GPCPD1: variants seen among roughly 807,000 people sequenced by gnomAD.
The protein encoded by GPCPD1 is glycerophosphocholine phosphodiesterase 1.
GPCPD1 carries 29 observed loss-of-function variants against 89.2 expected under a neutral mutation model. The ratio of observed to expected loss-of-function variants is 0.33; its 90% CI spans 0.24 to 0.44. GPCPD1 has a LOEUF of 0.44. Among genes scored for constraint, GPCPD1 ranks in the 20% least tolerant of loss-of-function variants. GPCPD1 has a pLI of 1.00. For missense variants in GPCPD1, 594 were observed against 808.9 expected, an observed-to-expected ratio of 0.73 and a Z score of 3.22; for synonymous variants, 258 against 266.3, an observed-to-expected ratio of 0.97 and a Z score of 0.30.
intron 3 of GPCPD1, 108 bp downstream of exon 3, chr20:5,598,617 T>C: frequency 3.0e-6 from 2 of 667,790 alleles, no homozygotes. Flanking sequence ...CGTGATAATG[T>C]TGATAAAAAT....
rs1980268443 is a variant in GPCPD1 at position 5,602,951 on chromosome 20, C to CCA, written c.49+1411_49+1412dup. Among the ~76,000 whole-genome samples the CCA allele has an allele frequency of 2.0e-5, 3 of 149,504 alleles. 1 individual carries two copies. In the South Asian group the frequency reaches 6.3e-4, roughly 31 times the overall value. On this transcript the variant is annotated intron_variant, in intron 2 of 19. Coordinates refer to ENST00000379019, the MANE Select transcript of GPCPD1 (RefSeq NM_019593.5). ...TGAGCCGAGATCGCGTCATTGCACT[C>CCA]CAGCCTAGGCAACAGAGTGAGACTC...
At chr20:5,577,057 TTTTTTTTG>T (rs1390484106) in intron 8 of GPCPD1, among the ~76,000 whole-genome samples, 1 of 112,736 alleles carries the variant, frequency 8.9e-6, no homozygotes, top group Non-Finnish European at 1.8e-5. Context: ...AAAGTTGTTT[TTTTTTTTG>T]TTTTTTTTTT....
At chr20:5,585,846 G>A (rs1045206383) in intron 5 of GPCPD1, 12 of 187,380 alleles carry the variant, frequency 6.4e-5, no homozygotes, top group East Asian at 1.3e-4. Context: ...TCAAATGTTC[G>A]TTAAGCCTGA....
intron 13 of GPCPD1, 52 bp downstream of exon 13, chr20:5,567,431 A>G (rs1986448384): frequency 6.5e-7 from 1 of 1,529,046 alleles, no homozygotes. Context: ...ACAAGCAAGT[A>G]CAATAGTCCT....
intron 3 of GPCPD1, among the ~76,000 whole-genome samples, chr20:5,595,618 G>A (rs1334281433): frequency 6.6e-6 from 1 of 151,920 alleles, no homozygotes; most frequent in Non-Finnish European, 1.5e-5. Flanking sequence ...TCCAGCCTGG[G>A]TGACAGAGTG....
intron 3 of GPCPD1, among the ~76,000 whole-genome samples, chr20:5,594,789 C>T (rs970719890): frequency 4.6e-5 from 7 of 152,220 alleles, no homozygotes; most frequent in African/African-American, 1.7e-4. Flanking sequence ...TTATACTTCA[C>T]AGATACTGTG....
rs539218583 is a variant in GPCPD1, at chr20:5,575,810, C to A, written c.868+6G>T. 2 of 1,594,282 alleles carry A rather than the reference C, an allele frequency of 1.3e-6. No homozygotes were observed. The highest frequency in any genetic ancestry group is 2.2e-5 in the East Asian group (1 of 44,706). On this transcript the variant is annotated splice_donor_region_variant and intron_variant, in intron 9 of 19. Transcript: ENST00000379019. ...TTGGGTTATTTGGCAGTGTCTTCAA[C>A]CTTACCTCTCACTTTGCCTATTGTT...
At position 5,567,546 on chromosome 20, in the gene GPCPD1, A is replaced by T; in HGVS notation, c.1164T>A (p.Asp388Glu). ...CLTMKKKFDADPVELFEIPVK... is the reference protein window; with the variant it reads ...CLTMKKKFDAEPVELFEIPVK... The stretch of plus-strand genomic sequence containing the variant: ...CTGGAATTTCAAATAATTCAACTGG[A>T]TCAGCATCAAATTTCTAAAAAAAAA... The change falls in exon 13 of 20, where the codon GAT becomes GAA. Residue 388 changes from aspartate to glutamate, a missense_variant. Coordinates refer to ENST00000379019, the MANE Select transcript of GPCPD1 (RefSeq NM_019593.5). 1 of 1,527,732 alleles carries T rather than the reference A, an allele frequency of 6.5e-7. No homozygotes were observed. The highest frequency in any genetic ancestry group is 8.7e-7 in the Non-Finnish European group (1 of 1,143,370). The allele number at this position is 1,527,732 out of a possible 1,614,324, so 94.6% of individuals were successfully genotyped here. A position where few individuals can be genotyped will look rare whatever the true frequency, so the allele number is the denominator to read the frequency against.
intron 12 of GPCPD1, 64 bp from the exon 13 acceptor site, chr20:5,567,624 G>C: frequency 7.1e-7 from 1 of 1,401,568 alleles, no homozygotes; most frequent in Non-Finnish European, 9.6e-7. Flanking sequence ...AGAAAAGTAA[G>C]CCCTAAATTA....
intron 8 of GPCPD1, among the ~76,000 whole-genome samples, chr20:5,576,766 AC>A (rs1162558137): frequency 1.3e-5 from 2 of 152,174 alleles, no homozygotes; most frequent in Non-Finnish European, 2.9e-5. Flanking sequence ...CAAATACTAT[AC>A]TCACTTTGAG....
In GPCPD1 at chr20:5,565,095, C is replaced by T. The variant is rs1357207732; in HGVS notation, c.1268-17G>A. Reference sequence around the variant, plus strand: ...CCACAGATTCTGAAATTTTAAAACACAAAATCTCAGTAAATAAAATGCCAC... The same window carrying T: ...CCACAGATTCTGAAATTTTAAAACATAAAATCTCAGTAAATAAAATGCCAC... On this transcript the variant is annotated splice_polypyrimidine_tract_variant and intron_variant, in intron 14 of 19. Transcript: ENST00000379019. The T allele has an allele frequency of 2.2e-6, 3 of 1,369,612 alleles. No individual in the cohort carries two copies. The highest frequency in any genetic ancestry group is 3.1e-6 in the Non-Finnish European group (3 of 959,306). 84.8% of individuals were successfully genotyped at this position (1,369,612 alleles called of 1,614,324 possible). A position where few individuals can be genotyped will look rare whatever the true frequency, so the allele number is the denominator to read the frequency against.
rs1986455915 is a variant in GPCPD1, at chr20:5,567,562, T to A, written c.1150-2A>T. 14 of 1,297,436 alleles carry A rather than the reference T, an allele frequency of 1.1e-5. No individual in the cohort carries two copies. Among genetic ancestry groups the A allele is most frequent in the East Asian group, 2.7e-5 (1 of 37,386 alleles). The allele number at this position is 1,297,436 out of a possible 1,614,324, so 80.4% of individuals were successfully genotyped here. On this transcript the variant is annotated splice_acceptor_variant, in intron 12 of 19. Coordinates refer to ENST00000379019, the MANE Select transcript of GPCPD1 (RefSeq NM_019593.5). LOFTEE classifies it high-confidence loss of function. ...TTCAACTGGATCAGCATCAAATTTC[T>A]AAAAAAAAAAAAAAAAGAAAGAAAG...
chr20:5,606,632 TG>T (rs1177292031), intron 1 of GPCPD1, among the ~76,000 whole-genome samples: 2 of 152,170 alleles, frequency 1.3e-5, no homozygotes, highest in Non-Finnish European at 2.9e-5. Context: ...TTGTCACAAC[TG>T]GGAGTGGCAC....
chr20:5,567,913 C>G (rs1162698708), intron 12 of GPCPD1: 1 of 168,908 alleles, frequency 5.9e-6, no homozygotes, highest in Admixed American at 6.3e-5. Context: ...TTCTTTGATA[C>G]TTATCCATAC....
chr20:5,556,268 C>G (rs1985763119), intron 19 of GPCPD1, among the ~76,000 whole-genome samples: 2 of 152,066 alleles, frequency 1.3e-5, no homozygotes, highest in Non-Finnish European at 2.9e-5. Context: ...AGTGCAGTGG[C>G]GCGATCTCGG....
At chr20:5,555,136 G>C (rs1985680295) in intron 19 of GPCPD1, among the ~76,000 whole-genome samples, 2 of 152,216 alleles carry the variant, frequency 1.3e-5, no homozygotes, top group Non-Finnish European at 2.9e-5. Context: ...ACCCAACAAA[G>C]ATGCTCTGAA....
At chr20:5,583,772 T>C (rs1213450097) in intron 6 of GPCPD1, among the ~76,000 whole-genome samples, 1 of 152,172 alleles carries the variant, frequency 6.6e-6, no homozygotes, top group Non-Finnish European at 1.5e-5. Context: ...AAGTGTAACA[T>C]TTCACACTTT....
chr20:5,575,646 T>C lies in GPCPD1; in HGVS notation c.869-101A>G, dbSNP rs535476511. 79 of 934,150 alleles carry C rather than the reference T, an allele frequency of 8.5e-5. 3 individuals carry two copies. The South Asian group carries it at 1.3e-3, about 15-fold the overall frequency. 57.9% of individuals were successfully genotyped at this position (934,150 alleles called of 1,614,324 possible). Reference sequence around the variant, plus strand: ...ATACCACTCAAGTCAGCTTTATCAGTTTCTGTCAAACGGAAAAAAAAACAA... The same window carrying C: ...ATACCACTCAAGTCAGCTTTATCAGCTTCTGTCAAACGGAAAAAAAAACAA... On this transcript the variant is annotated intron_variant, in intron 9 of 19. Coordinates refer to ENST00000379019, the MANE Select transcript of GPCPD1 (RefSeq NM_019593.5).
intron 19 of GPCPD1, chr20:5,549,378 A>C (rs1167068493): frequency 8.2e-7 from 1 of 1,216,296 alleles, no homozygotes; most frequent in East Asian, 2.5e-5. Context: ...AGGGTATACA[A>C]GGAAAGGTTA....
Sources: allele counts gnomAD v4.1 joint callset (sites outside exome capture counted in the v4.1 genomes callset), GRCh38; gene constraint gnomAD v4.1.1; transcripts MANE v1.5; gene names NCBI Gene and HGNC (gene_info 2026-07-23, HGNC 2026-07-21).